The following KNTC1 variants were observed in gnomAD, a reference collection of about 807,000 sequenced individuals.
The protein encoded by KNTC1 is kinetochore associated 1, also known as kinetochore-associated protein 1.
Under a neutral mutation model 314.4 loss-of-function variants are expected in KNTC1, and 253 were observed. That is an observed-to-expected ratio of 0.80 (90% CI 0.73 to 0.89). The LOEUF (loss-of-function observed/expected upper bound fraction) is 0.89, where lower values mean the gene tolerates loss of function less well. KNTC1 is among the 40% of genes least tolerant of loss of function. KNTC1 has a pLI of 0.00. For missense variants in KNTC1, 2,475 were observed against 2,572.9 expected (o/e 0.96, Z 0.82); for synonymous variants, 901 against 901.4 (o/e 1.00, Z 0.01).
intron 16 of KNTC1, among the ~76,000 whole-genome samples, chr12:122,554,038 G>A (rs1456400081): frequency 1.5e-5 from 2 of 137,676 alleles, no homozygotes; most frequent in East Asian, 2.1e-4. Context: ...AAAATATAAC[G>A]GTTTTAAACA....
At chr12:122,539,929 G>T (rs147730268) in intron 5 of KNTC1, among the ~76,000 whole-genome samples, 175 bp downstream of exon 5, 8,816 of 151,646 alleles carry the variant, frequency 0.058, 417 homozygotes, top group Non-Finnish European at 0.088. Context: ...ACAGGTGTGT[G>T]CCACCACGCC....
intron 6 of KNTC1, among the ~76,000 whole-genome samples, chr12:122,543,088 T>C (rs1041609195): frequency 1.3e-5 from 2 of 152,034 alleles, no homozygotes; most frequent in Non-Finnish European, 2.9e-5. Context: ...AATTTTTGTA[T>C]TTTTACTAGA....
intron 37 of KNTC1, among the ~76,000 whole-genome samples, chr12:122,586,268 G>C (rs1195550844): frequency 6.6e-6 from 1 of 152,102 alleles, no homozygotes; most frequent in Non-Finnish European, 1.5e-5. Flanking sequence ...TTTTAGTAGA[G>C]ATGGGGTTTC....
At chr12:122,548,469 C>T (rs939934691) in intron 12 of KNTC1, among the ~76,000 whole-genome samples, 6 of 152,042 alleles carry the variant, frequency 3.9e-5, no homozygotes, top group South Asian at 2.1e-4. Context: ...CTCGGCCTCC[C>T]GTAGTGCTGG....
intron 16 of KNTC1, among the ~76,000 whole-genome samples, chr12:122,556,262 C>T (rs1242390937): frequency 6.6e-6 from 1 of 152,018 alleles, no homozygotes; most frequent in East Asian, 1.9e-4. Flanking sequence ...AGGTAATCCA[C>T]CTGCCTCGGC....
chr12:122,605,199 A>ATATACC (rs1555237971), intron 50 of KNTC1, 107 bp from the exon 51 acceptor site: 13 of 1,032,948 alleles, frequency 1.3e-5, no homozygotes, highest in Non-Finnish European at 1.9e-5. Context: ...TTATATATGT[A>ATATACC]TATACTTATA....
Position 122,615,000 on chromosome 12 carries a change from T to A in KNTC1, c.5887T>A (p.Leu1963Met), listed in dbSNP as rs1221739081. 3.7e-6 allele frequency: 6 copies of A among 1,612,618 alleles called. No homozygotes were observed. Among genetic ancestry groups the A allele is most frequent in the Non-Finnish European group, 3.4e-6 (4 of 1,179,292 alleles). The part of the protein sequence containing the change: ...NHSHESMAVR[L>M]VTELCLEYKI... ...CTTTTTTTGGCTTCAGGCAGTAAGA[T>A]TGGTGACTGAGCTGTGTTTAGAATA... Residue 1963 changes from leucine (L) to methionine (M), a missense_variant, in exon 56 of 64, where the codon TTG becomes ATG. Coordinates refer to ENST00000333479, the MANE Select transcript of KNTC1 (RefSeq NM_014708.6).
chr12:122,597,640 A>G (rs558010352), intron 43 of KNTC1, 91 bp from the exon 44 acceptor site: 5 of 1,027,650 alleles, frequency 4.9e-6, no homozygotes, highest in South Asian at 2.7e-5. Flanking sequence ...AATTTCAACA[A>G]TGGAAGCATG....
chr12:122,549,010 T>A (rs1962996186), intron 12 of KNTC1, among the ~76,000 whole-genome samples: 4 of 152,278 alleles, frequency 2.6e-5, no homozygotes, highest in Middle Eastern at 3.4e-3. Context: ...ACAGACTTAC[T>A]TATAAATGCT....
intron 8 of KNTC1, among the ~76,000 whole-genome samples, chr12:122,544,693 C>T (rs1232377512): frequency 6.6e-6 from 1 of 152,204 alleles, no homozygotes; most frequent in African/African-American, 2.4e-5. Context: ...GACATACTCA[C>T]AGGGACTGCT....
chr12:122,567,777 G>T (rs1339975664), intron 20 of KNTC1, among the ~76,000 whole-genome samples: 2 of 152,116 alleles, frequency 1.3e-5, no homozygotes, highest in Non-Finnish European at 2.9e-5. Flanking sequence ...GACAAAGGTT[G>T]CAGTGAGCCG....
intron 44 of KNTC1, among the ~76,000 whole-genome samples, chr12:122,600,786 CT>C (rs1871769597): frequency 6.6e-6 from 1 of 152,178 alleles, no homozygotes; most frequent in African/African-American, 2.4e-5. Flanking sequence ...CTGCCTCCGC[CT>C]CCCAAGTAGC....
At chr12:122,550,651 C>T (rs1028149091) in intron 13 of KNTC1, among the ~76,000 whole-genome samples, 3 of 152,114 alleles carry the variant, frequency 2.0e-5, no homozygotes, top group Non-Finnish European at 4.4e-5. Flanking sequence ...TACAGGTGTG[C>T]ACCACCAGGC....
At position 122,606,753 on chromosome 12, in the gene KNTC1, T is replaced by C. The variant is rs910090460; in HGVS notation, c.5496+1338T>C. Among the ~76,000 whole-genome samples, 4 of 152,170 alleles carry C rather than the reference T, an allele frequency of 2.6e-5. No homozygotes were observed. In the East Asian group the frequency reaches 7.7e-4, roughly 29 times the overall value. On this transcript the variant is annotated intron_variant, in intron 51 of 63. Coordinates refer to ENST00000333479, the MANE Select transcript of KNTC1 (RefSeq NM_014708.6). ...ATGAATTTTTAACATTTTGCCATAT[T>C]TGCTTCATCTCTCCTCTATAATTGA...
chr12:122,567,586 C>G lies in KNTC1; in HGVS notation c.1605-675C>G, dbSNP rs532585110. Reference sequence around the variant, plus strand: ...GGGCACGGTGGCTCATGCCTGTAATCGCAACACTTTGGGAGGCTGAAGTGG... The same window carrying G: ...GGGCACGGTGGCTCATGCCTGTAATGGCAACACTTTGGGAGGCTGAAGTGG... On this transcript the variant is annotated intron_variant, in intron 20 of 63. Coordinates refer to ENST00000333479, the MANE Select transcript of KNTC1 (RefSeq NM_014708.6). 2.0e-5 allele frequency among the ~76,000 whole-genome samples: 3 copies of G among 152,100 alleles called. No individual in the cohort carries two copies. In the South Asian group the frequency reaches 6.2e-4, roughly 32 times the overall value.
intron 53 of KNTC1, among the ~76,000 whole-genome samples, chr12:122,612,353 A>G (rs573848752): frequency 8.6e-5 from 13 of 151,214 alleles, no homozygotes; most frequent in Non-Finnish European, 1.6e-4. Context: ...GGCGTGAGCC[A>G]CTGCACCCAG....
At chr12:122,589,595 C>G (rs1869863036) in intron 40 of KNTC1, among the ~76,000 whole-genome samples, 1 of 151,356 alleles carries the variant, frequency 6.6e-6, no homozygotes, top group African/African-American at 2.4e-5. Flanking sequence ...TGCTCAGCCT[C>G]CTGAGTATCT....
At chr12:122,623,434 T>G (rs577986525) in intron 62 of KNTC1, among the ~76,000 whole-genome samples, 1 of 152,302 alleles carries the variant, frequency 6.6e-6, no homozygotes, top group South Asian at 2.1e-4. Flanking sequence ...TGAGAGGTCT[T>G]TCTTTCTCAT....
intron 45 of KNTC1, among the ~76,000 whole-genome samples, chr12:122,602,178 C>T (rs918637652): frequency 1.3e-5 from 2 of 151,650 alleles, no homozygotes; most frequent in Admixed American, 1.3e-4. Context: ...AAAGATTATA[C>T]AAAGTGTCCT....
Sources: gnomAD v4.1 joint callset for allele counts (sites outside exome capture counted in the v4.1 genomes callset) on GRCh38, gnomAD v4.1.1 for gene constraint, MANE v1.5 for transcripts, NCBI Gene and HGNC (gene_info 2026-07-23, HGNC 2026-07-21) for gene names.